The following APOO variants were observed in gnomAD, a reference collection of about 807,000 sequenced individuals.
The protein encoded by APOO is MICOS complex subunit MIC26.
A neutral mutation model predicts 23.1 loss-of-function variants in APOO; 11 were observed. The ratio of observed to expected loss-of-function variants is 0.48; its 90% CI spans 0.30 to 0.79. The LOEUF (loss-of-function observed/expected upper bound fraction) is 0.79. APOO is among the 30% of genes least tolerant of loss of function. The probability of loss-of-function intolerance (pLI) is 0.07; values close to 1 mark genes in which losing one functional copy is unlikely to be tolerated. For missense variants in APOO, 160 were observed against 142.7 expected (o/e 1.12, Z -0.62); for synonymous variants, 59 against 54.8 (o/e 1.08, Z -0.34).
intron 4 of APOO, among the ~76,000 whole-genome samples, chrX:23,869,851 C>T (rs1925525646): frequency 9.4e-6 from 1 of 106,552 alleles, no homozygotes; most frequent in South Asian, 4.1e-4. Context: ...ACTCAGGAGG[C>T]TGAGGCAGGA....
intron 7 of APOO, among the ~76,000 whole-genome samples, chrX:23,848,453 C>T (rs988099474): frequency 9.0e-5 from 10 of 111,539 alleles, no homozygotes; most frequent in African/African-American, 2.3e-4. Context: ...CGTGAGCCAC[C>T]GTGCCTGGCC....
chrX:23,880,977 C>T (rs1351139767), intron 1 of APOO, 25 bp from the exon 2 acceptor site: 2 of 1,073,658 alleles, frequency 1.9e-6, no homozygotes, highest in East Asian at 6.4e-5. Context: ...CAATCTTAAA[C>T]CTCTCTATGT....
chrX:23,892,924 T>C (rs1312234092), intron 1 of APOO, among the ~76,000 whole-genome samples: 1 of 99,211 alleles, frequency 1.0e-5, no homozygotes, highest in Middle Eastern at 4.4e-3. Flanking sequence ...AAATCTGAAA[T>C]GGGTTTTTTA....
At chrX:23,889,732 G>A (rs1200336044) in intron 1 of APOO, among the ~76,000 whole-genome samples, 1 of 99,629 alleles carries the variant, frequency 1.0e-5, no homozygotes, top group Non-Finnish European at 2.0e-5. Flanking sequence ...GTGCGATCTT[G>A]GCTCACTGCA....
At chrX:23,858,496 ATTTAAATTTTCTGT>A (rs1417866246) in intron 6 of APOO, 132 bp downstream of exon 6, 1 of 447,427 alleles carries the variant, frequency 2.2e-6, no homozygotes, top group Non-Finnish European at 3.7e-6. Flanking sequence ...GGAGAAAATC[ATTTAAATTTTCTGT>A]ATTCATCTAT....
intron 3 of APOO, among the ~76,000 whole-genome samples, chrX:23,876,372 C>T (rs1214989512): frequency 1.0e-5 from 1 of 100,243 alleles, no homozygotes; most frequent in Non-Finnish European, 2.0e-5. Flanking sequence ...CTCTTGAGCC[C>T]AGGAGTTCGA....
intron 1 of APOO, among the ~76,000 whole-genome samples, chrX:23,891,513 C>G (rs1446329202): frequency 8.9e-6 from 1 of 111,924 alleles, no homozygotes; most frequent in African/African-American, 3.2e-5. Flanking sequence ...AGGCGTGAGC[C>G]ACCACACCTG....
intron 5 of APOO, among the ~76,000 whole-genome samples, chrX:23,861,116 G>A (rs766600164): frequency 9.0e-6 from 1 of 111,023 alleles, no homozygotes; most frequent in East Asian, 2.9e-4. Flanking sequence ...CTCCAGCCTG[G>A]GTGATAATTT....
chrX:23,898,252 C>T (rs1439759371), intron 1 of APOO, among the ~76,000 whole-genome samples: 4 of 108,873 alleles, frequency 3.7e-5, no homozygotes, highest in African/African-American at 1.3e-4. Flanking sequence ...GCAGGCACCA[C>T]CATACCTGGC....
At chrX:23,887,328 G>A (rs769346106) in intron 1 of APOO, among the ~76,000 whole-genome samples, 39 of 98,528 alleles carry the variant, frequency 4.0e-4, no homozygotes, top group Non-Finnish European at 6.4e-4. Context: ...CCGCCTCCTG[G>A]GTTCAAGCCA....
chrX:23,870,708 T>C (rs1402581033), intron 4 of APOO, among the ~76,000 whole-genome samples: 1 of 109,603 alleles, frequency 9.1e-6, no homozygotes, highest in African/African-American at 3.3e-5. Flanking sequence ...GGAGGATTGC[T>C]TGAGTCCAGG....
rs1049739997 is a variant in APOO, at chrX:23,907,854, C to T, written c.-152G>A. The T allele has an allele frequency of 1.3e-5, 8 of 605,023 alleles. No individual in the cohort carries two copies. In the African/African-American group the frequency reaches 1.9e-4, roughly 14 times the overall value. 49.9% of individuals were successfully genotyped at this position (605,023 alleles called of 1,213,427 possible). A position where few individuals can be genotyped will look rare whatever the true frequency, so the allele number is the denominator to read the frequency against. On this transcript the variant is annotated 5_prime_UTR_variant, in exon 1 of 9. Transcript: ENST00000379226. The stretch of plus-strand genomic sequence containing the variant: ...CGGCCGTACTGCAAACTCGGTGCGG[C>T]GAAGGTTTAGTTCAATCACCCGGTT...
At chrX:23,852,606 T>G (rs1262418758) in intron 7 of APOO, among the ~76,000 whole-genome samples, 1 of 76,920 alleles carries the variant, frequency 1.3e-5, no homozygotes, top group Non-Finnish European at 2.2e-5. Flanking sequence ...AGAGCGAGAC[T>G]CTGTCTCAAA....
At chrX:23,888,584 G>A (rs1433908547) in intron 1 of APOO, among the ~76,000 whole-genome samples, 1 of 111,048 alleles carries the variant, frequency 9.0e-6, no homozygotes, top group Non-Finnish European at 1.9e-5. Context: ...CCAGCACAGT[G>A]GCTCACGCCT....
intron 1 of APOO, among the ~76,000 whole-genome samples, chrX:23,893,017 T>C (rs1280547806): frequency 9.2e-6 from 1 of 108,550 alleles, no homozygotes; most frequent in Non-Finnish European, 1.9e-5. Context: ...AAAAAAGAAC[T>C]ATGTGAAAGA....
chrX:23,852,155 C>T (rs1924567567), intron 7 of APOO, among the ~76,000 whole-genome samples: 1 of 110,678 alleles, frequency 9.0e-6, no homozygotes, highest in Non-Finnish European at 1.9e-5. Context: ...AACTTCTGGG[C>T]TCAAGTGATC....
chrX:23,860,411 G>A (rs1924961963), intron 5 of APOO, among the ~76,000 whole-genome samples: 1 of 110,896 alleles, frequency 9.0e-6, no homozygotes, highest in South Asian at 3.8e-4. Flanking sequence ...GGGTGTGGTG[G>A]CTCACACCTG....
intron 5 of APOO, among the ~76,000 whole-genome samples, chrX:23,867,501 C>G (rs1208522292): frequency 8.9e-6 from 1 of 112,057 alleles, no homozygotes; most frequent in Admixed American, 9.5e-5. Context: ...ATGCTGATGC[C>G]ACGCTTCTTG....
chrX:23,878,019 C>T (rs1925937086), intron 3 of APOO, among the ~76,000 whole-genome samples: 1 of 111,531 alleles, frequency 9.0e-6, no homozygotes, highest in South Asian at 3.7e-4. Context: ...ACCTAAAACC[C>T]AGGCAGGGAC....
Sources: gnomAD v4.1 joint callset for allele counts (sites outside exome capture counted in the v4.1 genomes callset) on GRCh38, gnomAD v4.1.1 for gene constraint, MANE v1.5 for transcripts, NCBI Gene and HGNC (gene_info 2026-07-23, HGNC 2026-07-21) for gene names.